Variants in METTL21C observed in about 807,000 individuals in gnomAD.
METTL21C encodes the protein protein-lysine methyltransferase METTL21C.
Under a neutral mutation model 25.9 loss-of-function variants are expected in METTL21C, and 21 were observed. The observed-to-expected ratio is 0.81, with a 90% CI of 0.58 to 1.17. The LOEUF is 1.17. Among genes scored for constraint, METTL21C ranks in the 50% most tolerant of loss-of-function variants. METTL21C has a pLI of 0.00. For synonymous variants in METTL21C, 125 were observed against 124.7 expected (o/e 1.00, Z -0.01); for missense variants, 312 against 315.1 (o/e 0.99, Z 0.07).
In METTL21C at chr13:102,685,960, C is replaced by G; in HGVS notation, c.*71G>C. ...ACCTTCTCAATCCTGTGAAAGAAGT[C>G]TATTACCAAAGCAATTTCTAACACA... On this transcript the variant is annotated 3_prime_UTR_variant, in exon 4 of 4. Coordinates refer to ENST00000267273, the MANE Select transcript of METTL21C (RefSeq NM_001010977.3). 2 of 1,472,716 alleles carry G rather than the reference C, an allele frequency of 1.4e-6. No individual in the cohort carries two copies. The highest frequency in any genetic ancestry group is 9.1e-7 in the Non-Finnish European group (1 of 1,097,412). The allele number at this position is 1,472,716 out of a possible 1,614,324, so 91.2% of individuals were successfully genotyped here.
chr13:102,688,459 C>T (rs1235756038), intron 2 of METTL21C, among the ~76,000 whole-genome samples: 1 of 152,144 alleles, frequency 6.6e-6, no homozygotes, highest in South Asian at 2.1e-4. Context: ...GAGGGGTCAC[C>T]ACAGAGCCGC....
At position 102,694,370 on chromosome 13, in the gene METTL21C, T is replaced by C. The variant is rs1445049191; in HGVS notation, c.129A>G (p.Glu43=). The C allele has an allele frequency of 6.2e-7, 1 of 1,602,070 alleles. No individual in the cohort carries two copies. Among genetic ancestry groups the C allele is most frequent in the Admixed American group, 1.7e-5 (1 of 59,342 alleles). The change falls in exon 1 of 4, where the codon GAA becomes GAG. Residue 43 remains glutamate (E), a splice_region_variant and synonymous_variant. Coordinates refer to ENST00000267273, the MANE Select transcript of METTL21C (RefSeq NM_001010977.3). ...PQKDSTGGVL[E]ESNKIEPSLH... Reference sequence around the variant, plus strand: ...TGAAGTGATGAAGAAGGAGGTTACCTTCTAGGACTCCCCCGGTGCTGTCTT... The same window carrying C: ...TGAAGTGATGAAGAAGGAGGTTACCCTCTAGGACTCCCCCGGTGCTGTCTT...
At chr13:102,688,801 G>A (rs376954796) in intron 2 of METTL21C, among the ~76,000 whole-genome samples, 25 of 152,296 alleles carry the variant, frequency 1.6e-4, no homozygotes, top group East Asian at 7.7e-4. Context: ...GGGGCTGGCC[G>A]CAGGGTGTCA....
upstream of METTL21C, among the ~76,000 whole-genome samples, chr13:102,698,380 C>T (rs554010010): frequency 3.9e-5 from 6 of 152,310 alleles, no homozygotes; most frequent in East Asian, 3.9e-4. Flanking sequence ...TGTTCTCTGA[C>T]GCACTTCCTT....
At chr13:102,699,706 A>T (rs1232472178), upstream of METTL21C, among the ~76,000 whole-genome samples, 3 of 152,200 alleles carry the variant, frequency 2.0e-5, no homozygotes, top group African/African-American at 7.2e-5. Context: ...AAGTGAAATC[A>T]TGCAATTTCA....
chr13:102,702,092 A>C, the METTL21C span, among the ~76,000 whole-genome samples: 5 of 151,874 alleles, frequency 3.3e-5, no homozygotes, highest in African/African-American at 1.2e-4. Context: ...TGAACCTGGG[A>C]AGTGGAGGTT....
chr13:102,688,604 TAGAAG>T (rs1398473989), intron 2 of METTL21C, among the ~76,000 whole-genome samples: 1 of 151,844 alleles, frequency 6.6e-6, no homozygotes, highest in Non-Finnish European at 1.5e-5. Flanking sequence ...CTCCAGAGCT[TAGAAG>T]GGAAGTTTTG....
chr13:102,702,139 A>T, the METTL21C span, among the ~76,000 whole-genome samples: 1 of 151,426 alleles, frequency 6.6e-6, no homozygotes, highest in African/African-American at 2.4e-5. Flanking sequence ...ATTCCAGTCT[A>T]GGTGACAGAG....
intron 3 of METTL21C, 75 bp downstream of exon 3, chr13:102,686,865 C>A: frequency 8.3e-7 from 1 of 1,198,852 alleles, no homozygotes; most frequent in Non-Finnish European, 1.2e-6. Flanking sequence ...AAACCACAGC[C>A]TGTCATAGAG....
At position 102,694,898 on chromosome 13, in the gene METTL21C, TCTCACACACA is replaced by T. The variant is rs1229006806; in HGVS notation, c.-410_-401del. On this transcript the variant is annotated 5_prime_UTR_variant, in exon 1 of 4. It removes the in-frame stop codon of an upstream open reading frame in the 5' UTR. Coordinates refer to ENST00000267273, the MANE Select transcript of METTL21C (RefSeq NM_001010977.3). ...TTCTCTCTCTCTCTCTCTCTCTCTCTCTCACACACACACACACACACACACACACACGCAC... is the reference window on the plus strand; with the variant it reads ...TTCTCTCTCTCTCTCTCTCTCTCTCTCACACACACACACACACACACGCAC... 7.1e-6 allele frequency among the ~76,000 whole-genome samples: 1 copy of T among 141,654 alleles called. No individual in the cohort carries two copies. Among genetic ancestry groups the T allele is most frequent in the African/African-American group, 2.7e-5 (1 of 37,550 alleles). 92.9% of individuals were successfully genotyped at this position (141,654 alleles called of 152,430 possible). A position where few individuals can be genotyped will look rare whatever the true frequency, so the allele number is the denominator to read the frequency against.
chr13:102,703,960 C>T, the METTL21C span, among the ~76,000 whole-genome samples: 2 of 152,204 alleles, frequency 1.3e-5, no homozygotes, highest in Non-Finnish European at 2.9e-5. Context: ...ACCTTTCTCA[C>T]ACAAAGACTT....
At chr13:102,686,899 A>G (rs1885689230) in intron 3 of METTL21C, 41 bp downstream of exon 3, 2 of 1,490,238 alleles carry the variant, frequency 1.3e-6, no homozygotes, top group African/African-American at 1.4e-5. Flanking sequence ...TTGTTGTTAC[A>G]GTAAAGATCT....
intron 3 of METTL21C, 103 bp downstream of exon 3, chr13:102,686,837 A>G: frequency 2.4e-6 from 2 of 839,840 alleles, no homozygotes; most frequent in Non-Finnish European, 4.0e-6. Context: ...CACTGAGTGA[A>G]GTTAGGGCCA....
rs979152059 is a variant in METTL21C, at chr13:102,686,321, C to G, written c.505G>C (p.Glu169Gln). ...QCTAHLPEVK[E>Q]LVWGEDLDKN... ...TCCAGGTCTTCCCCCCATACCAGTT[C>G]TTTCACTTCAGGCAGATGTGCTGTA... Residue 169 changes from glutamate (E) to glutamine (Q), a missense_variant, in exon 4 of 4, where the codon GAA (glutamate) becomes CAA (glutamine). Physicochemically the swap from Glu to Gln is conservative, Grantham distance 29. Coordinates refer to ENST00000267273, the MANE Select transcript of METTL21C (RefSeq NM_001010977.3). 2 of 1,614,232 alleles carry G rather than the reference C, an allele frequency of 1.2e-6. No individual in the cohort carries two copies. The highest frequency in any genetic ancestry group is 1.1e-5 in the South Asian group (1 of 91,088).
At chr13:102,703,096 T>G in the METTL21C span, among the ~76,000 whole-genome samples, 2,144 of 152,310 alleles carry the variant, frequency 0.014, 41 homozygotes, top group African/African-American at 0.049. Context: ...TGCAGTGGGA[T>G]AGAGGTAACA....
In METTL21C at chr13:102,695,004, C is replaced by T. The variant is rs1595247311; in HGVS notation, c.-506G>A. 6.6e-6 allele frequency among the ~76,000 whole-genome samples: 1 copy of T among 152,060 alleles called. No individual in the cohort carries two copies. The highest frequency in any genetic ancestry group is 1.9e-4 in the East Asian group (1 of 5,186). On this transcript the variant is annotated 5_prime_UTR_variant, in exon 1 of 4. Transcript: ENST00000267273. ...TATCACTGGAACAGAACAGAGGCTG[C>T]CCCTGTGGCATCCAGTTGCTGCGAT...
At chr13:102,704,239 T>A in the METTL21C span, among the ~76,000 whole-genome samples, 4 of 152,346 alleles carry the variant, frequency 2.6e-5, no homozygotes, top group African/African-American at 7.2e-5. Flanking sequence ...AAAGCTTAAA[T>A]AACTTCTTTC....
chr13:102,689,168 G>A (rs758027207), intron 2 of METTL21C, among the ~76,000 whole-genome samples: 79 of 152,124 alleles, frequency 5.2e-4, no homozygotes, highest in African/African-American at 8.9e-4. Context: ...GAGCTCAAGC[G>A]ATCCTCTTGC....
At position 102,692,851 on chromosome 13, in the gene METTL21C, G is replaced by A. The variant is rs548693698; in HGVS notation, c.130+1518C>T. Among the ~76,000 whole-genome samples the A allele has an allele frequency of 6.6e-5, 10 of 152,274 alleles. No homozygotes were observed. The South Asian group carries it at 2.1e-3, about 32-fold the overall frequency. Reference sequence around the variant, plus strand: ...TGTAGGGAGATTGTAGGGAAAGGAGGGAGCCCTGTAGCTTTCCCCACCTCT... The same window carrying A: ...TGTAGGGAGATTGTAGGGAAAGGAGAGAGCCCTGTAGCTTTCCCCACCTCT... On this transcript the variant is annotated intron_variant, in intron 1 of 3. Transcript: ENST00000267273.
Sources: gnomAD v4.1 joint callset for allele counts (sites outside exome capture counted in the v4.1 genomes callset) on GRCh38, gnomAD v4.1.1 for gene constraint, MANE v1.5 for transcripts, NCBI Gene and HGNC (gene_info 2026-07-23, HGNC 2026-07-21) for gene names.